PRKCE: variants seen among roughly 807,000 people sequenced by gnomAD.
PRKCE encodes protein kinase C epsilon.
Under a neutral mutation model 85.4 loss-of-function variants are expected in PRKCE, and 16 were observed. That is an observed-to-expected ratio of 0.19 (90% CI 0.13 to 0.28). The LOEUF is 0.28. Ranked by LOEUF, PRKCE falls within the 10% of genes least tolerant of loss-of-function variation. The pLI is 1.00. For synonymous variants in PRKCE, 388 were observed against 371.5 expected (o/e 1.04, Z -0.51); for missense variants, 573 against 975.2 (o/e 0.59, Z 5.49).
intron 1 of PRKCE, among the ~76,000 whole-genome samples, chr2:45,814,170 C>T (rs1407365705): frequency 6.6e-6 from 1 of 152,126 alleles, no homozygotes; most frequent in Non-Finnish European, 1.5e-5. Flanking sequence ...CTTGCCATGA[C>T]CGGGACCAAA....
chr2:45,797,438 C>T (rs1483764993), intron 1 of PRKCE, among the ~76,000 whole-genome samples: 1 of 152,236 alleles, frequency 6.6e-6, no homozygotes, highest in Admixed American at 6.5e-5. Flanking sequence ...CCATGGTGCA[C>T]CACATACCTG....
At chr2:45,951,643 T>G (rs1700629307) in intron 2 of PRKCE, among the ~76,000 whole-genome samples, 1 of 152,216 alleles carries the variant, frequency 6.6e-6, no homozygotes, top group South Asian at 2.1e-4. Context: ...GCTGAGCCAA[T>G]GCAACTCTGT....
intron 1 of PRKCE, among the ~76,000 whole-genome samples, chr2:45,730,421 G>A (rs1681467031): frequency 1.3e-5 from 2 of 150,378 alleles, no homozygotes. Flanking sequence ...GCCTCCCAAA[G>A]CTCTGGGATT....
chr2:46,066,958 C>G (rs1442120852), intron 10 of PRKCE, among the ~76,000 whole-genome samples: 2 of 152,158 alleles, frequency 1.3e-5, no homozygotes, highest in Non-Finnish European at 2.9e-5. Context: ...AAAGTGATGA[C>G]ATTGTATTAC....
intron 11 of PRKCE, among the ~76,000 whole-genome samples, chr2:46,100,575 C>T (rs1671107892): frequency 6.6e-6 from 1 of 152,214 alleles, no homozygotes; most frequent in African/African-American, 2.4e-5. Context: ...GGGCATCTCT[C>T]ATGAAGTCCC....
Position 45,976,433 on chromosome 2 carries a change from T to C in PRKCE, c.417T>C (p.Pro139=). The C allele has an allele frequency of 6.3e-7, 1 of 1,599,584 alleles. No individual in the cohort carries two copies. Among genetic ancestry groups the C allele is most frequent in the Non-Finnish European group, 8.5e-7 (1 of 1,179,850 alleles). ...CCTGCTCTTGTCCTTCCCCAGCCCC[T>C]AAAGACAATGAAGAGCGTGTGTTCA... is the stretch of plus-strand genomic sequence containing the variant. ...IDLSGSSGEA[P]KDNEERVFRE... is the part of the protein sequence containing the mutation. The change falls in exon 3 of 15, where the codon CCT becomes CCC. Residue 139 remains proline, a synonymous_variant. Transcript: ENST00000306156.
chr2:46,166,705 G>T (rs532247021), intron 14 of PRKCE: 8 of 152,296 alleles, frequency 5.3e-5, no homozygotes, highest in Non-Finnish European at 8.8e-5. Context: ...TTATTAACAG[G>T]AATAGCTGGG....
At chr2:46,086,058 T>A in intron 10 of PRKCE, 150 bp from the exon 11 acceptor site, 1 of 768,330 alleles carries the variant, frequency 1.3e-6, no homozygotes, top group Non-Finnish European at 2.1e-6. Flanking sequence ...GTTTGTCTTC[T>A]TTATGGATCA....
intron 2 of PRKCE, among the ~76,000 whole-genome samples, chr2:45,952,664 C>T (rs1023906456): frequency 6.6e-6 from 1 of 152,168 alleles, no homozygotes; most frequent in African/African-American, 2.4e-5. Context: ...AAAGCACTCA[C>T]CACAGGATTC....
At chr2:45,987,674 G>T (rs1200328897) in intron 6 of PRKCE, among the ~76,000 whole-genome samples, 1 of 152,016 alleles carries the variant, frequency 6.6e-6, no homozygotes, top group African/African-American at 2.4e-5. Flanking sequence ...ATCACTCACA[G>T]TCTGTGGTTT....
At chr2:45,966,742 G>A (rs1415547144) in intron 2 of PRKCE, among the ~76,000 whole-genome samples, 3 of 152,072 alleles carry the variant, frequency 2.0e-5, no homozygotes, top group South Asian at 2.1e-4. Flanking sequence ...AAAGCCTTGT[G>A]GGATGGGGTG....
intron 11 of PRKCE, among the ~76,000 whole-genome samples, 190 bp downstream of exon 11, chr2:46,086,552 C>T (rs1403221170): frequency 6.6e-6 from 1 of 152,154 alleles, no homozygotes; most frequent in East Asian, 1.9e-4. Context: ...ATTTGAATGG[C>T]CCTGGGAGAT....
rs75218380 is a variant in PRKCE, at chr2:46,134,963, G to A, written c.1593-10130G>A. Among the ~76,000 whole-genome samples the A allele has an allele frequency of 6.6e-5, 10 of 152,326 alleles. No homozygotes were observed. The East Asian group carries it at 1.9e-3, about 29-fold the overall frequency. ...TATTGTGGGTTAAAAAAAGTAATTGGATGATCATGCAATCAGATAAGCAAT... is the reference window on the plus strand; with the variant it reads ...TATTGTGGGTTAAAAAAAGTAATTGAATGATCATGCAATCAGATAAGCAAT... On this transcript the variant is annotated intron_variant, in intron 11 of 14. Transcript: ENST00000306156.
intron 1 of PRKCE, among the ~76,000 whole-genome samples, chr2:45,831,937 A>G (rs1232550085): frequency 6.6e-6 from 1 of 152,194 alleles, no homozygotes; most frequent in African/African-American, 2.4e-5. Context: ...GATAAGCAAA[A>G]GAAAAGAAAA....
At chr2:45,662,863 ACAAG>A (rs147813647) in intron 1 of PRKCE, among the ~76,000 whole-genome samples, 8 of 147,760 alleles carry the variant, frequency 5.4e-5, no homozygotes, top group East Asian at 2.0e-4. Context: ...TACTCTGAAA[ACAAG>A]CAAGCAAGCA....
chr2:46,144,288 C>T (rs1675852493), intron 11 of PRKCE, among the ~76,000 whole-genome samples: 1 of 152,196 alleles, frequency 6.6e-6, no homozygotes. Context: ...ACCCAGCCTG[C>T]TTGCCCCTAG....
chr2:45,823,598 G>A (rs1689711353), intron 1 of PRKCE, among the ~76,000 whole-genome samples: 1 of 152,208 alleles, frequency 6.6e-6, no homozygotes, highest in Admixed American at 6.5e-5. Context: ...GGGGTAGGGA[G>A]CAGAAAGGAA....
intron 10 of PRKCE, among the ~76,000 whole-genome samples, chr2:46,033,979 G>A (rs1707701631): frequency 1.3e-5 from 2 of 152,214 alleles, no homozygotes; most frequent in Admixed American, 6.5e-5. Context: ...TCAGTTTAGA[G>A]AAAGCCGTAG....
intron 1 of PRKCE, among the ~76,000 whole-genome samples, chr2:45,837,647 G>C (rs909823750): frequency 6.6e-6 from 1 of 152,122 alleles, no homozygotes; most frequent in East Asian, 1.9e-4. Context: ...TTGTGCAGCT[G>C]GTGTGATCTC....
Sources: gnomAD v4.1 joint callset for allele counts (sites outside exome capture counted in the v4.1 genomes callset) on GRCh38, gnomAD v4.1.1 for gene constraint, MANE v1.5 for transcripts, NCBI Gene and HGNC (gene_info 2026-07-23, HGNC 2026-07-21) for gene names.